SHISA6: variants seen among roughly 807,000 people sequenced by gnomAD.
SHISA6 encodes protein shisa-6.
A neutral mutation model predicts 47.9 loss-of-function variants in SHISA6; 22 were observed. The ratio of observed to expected loss-of-function variants is 0.46; its 90% CI spans 0.33 to 0.66. The LOEUF (loss-of-function observed/expected upper bound fraction) is 0.66, where lower values mean the gene tolerates loss of function less well. Among genes scored for constraint, SHISA6 ranks in the 30% least tolerant of loss-of-function variants. SHISA6 has a pLI of 0.02. For synonymous variants in SHISA6, 388 were observed against 337.8 expected, an observed-to-expected ratio of 1.15 and a Z score of -1.63; for missense variants, 680 against 764.6, an observed-to-expected ratio of 0.89 and a Z score of 1.30.
chr17:11,352,035 G>A (rs181841010), intron 2 of SHISA6, among the ~76,000 whole-genome samples: 19 of 152,282 alleles, frequency 1.2e-4, no homozygotes, highest in African/African-American at 3.1e-4. Flanking sequence ...TGTTGGACAC[G>A]TAGGGACAGA....
rs535536251 is a variant in SHISA6 at position 11,336,964 on chromosome 17, T to C, written c.800-42450T>C. Among the ~76,000 whole-genome samples, 124 of 152,208 alleles carry C rather than the reference T, an allele frequency of 8.1e-4. 1 individual carries two copies. The highest frequency in any genetic ancestry group is 2.7e-3 in the African/African-American group (112 of 41,546). On this transcript the variant is annotated intron_variant, in intron 2 of 5. Transcript: ENST00000441885. ...TCAAGTTCAAGGAAGTTGGCATCTG[T>C]GTGAGATGAGATGAGGAGAGTGCAA...
chr17:11,300,302 C>T (rs1190368377), intron 2 of SHISA6, among the ~76,000 whole-genome samples: 1 of 152,056 alleles, frequency 6.6e-6, no homozygotes, highest in East Asian at 1.9e-4. Context: ...TAGACCTGGG[C>T]CCTGGGCACC....
chr17:11,260,640 C>T (rs953612931), intron 1 of SHISA6, among the ~76,000 whole-genome samples: 1 of 151,868 alleles, frequency 6.6e-6, no homozygotes, highest in Non-Finnish European at 1.5e-5. Context: ...GACTCTGCCT[C>T]CTCTCCTCTC....
At chr17:11,454,700 G>A (rs1915489337) in intron 3 of SHISA6, among the ~76,000 whole-genome samples, 2 of 152,164 alleles carry the variant, frequency 1.3e-5, no homozygotes, top group Non-Finnish European at 2.9e-5. Context: ...CTTTCTCAAA[G>A]GCCCTTCATG....
At chr17:11,522,896 A>C (rs1378074024) in intron 3 of SHISA6, among the ~76,000 whole-genome samples, 2 of 152,246 alleles carry the variant, frequency 1.3e-5, no homozygotes, top group African/African-American at 4.8e-5. Flanking sequence ...GGCTTCCAGA[A>C]GTTTCTTTGC....
intron 3 of SHISA6, among the ~76,000 whole-genome samples, chr17:11,393,794 C>G (rs1913471916): frequency 6.6e-6 from 1 of 152,188 alleles, no homozygotes; most frequent in Non-Finnish European, 1.5e-5. Context: ...GCTTAACACC[C>G]AGGCATCTTG....
chr17:11,361,770 C>A (rs1267458228), intron 2 of SHISA6, among the ~76,000 whole-genome samples: 2 of 152,188 alleles, frequency 1.3e-5, no homozygotes, highest in African/African-American at 4.8e-5. Context: ...ACACCATGTG[C>A]CAGGCACTGT....
intron 3 of SHISA6, among the ~76,000 whole-genome samples, chr17:11,470,403 G>T (rs1376808856): frequency 6.6e-6 from 1 of 152,200 alleles, no homozygotes; most frequent in Non-Finnish European, 1.5e-5. Flanking sequence ...TTCCTAACAG[G>T]TATCAGTCCC....
At position 11,394,295 on chromosome 17, in the gene SHISA6, G is replaced by A. The variant is rs999651896; in HGVS notation, c.895+14786G>A. On this transcript the variant is annotated intron_variant, in intron 3 of 5. Transcript: ENST00000441885. The stretch of plus-strand genomic sequence containing the variant: ...CAGGTAAATGTAGTATTAGAAAATT[G>A]CTTCATCTTTCTGAGTCTGCACCTC... Among the ~76,000 whole-genome samples, 14 of 152,246 alleles carry A rather than the reference G, an allele frequency of 9.2e-5. 1 individual carries two copies. The Middle Eastern group carries it at 0.01, about 111-fold the overall frequency.
chr17:11,271,804 C>T (rs985287559), intron 2 of SHISA6, among the ~76,000 whole-genome samples: 2 of 151,990 alleles, frequency 1.3e-5, no homozygotes, highest in South Asian at 4.1e-4. Context: ...CAAAGCTCAC[C>T]TTTCCTTCTG....
chr17:11,336,997 CAAG>C (rs745709765), intron 2 of SHISA6, among the ~76,000 whole-genome samples: 33 of 152,282 alleles, frequency 2.2e-4, no homozygotes, highest in East Asian at 5.8e-4. Context: ...CAAAGTCAGA[CAAG>C]GAGGAGTGGG....
At chr17:11,521,965 TTTATTA>T (rs1204190731) in intron 3 of SHISA6, among the ~76,000 whole-genome samples, 3 of 151,324 alleles carry the variant, frequency 2.0e-5, no homozygotes, top group Admixed American at 6.6e-5. Context: ...TTTTTATTTA[TTTATTA>T]TTATTATTTT....
At chr17:11,303,311 A>G (rs571447497) in intron 2 of SHISA6, among the ~76,000 whole-genome samples, 2 of 150,754 alleles carry the variant, frequency 1.3e-5, no homozygotes, top group Admixed American at 1.3e-4. Flanking sequence ...TTGTGTGTAT[A>G]GTTGTGAATG....
intron 2 of SHISA6, among the ~76,000 whole-genome samples, chr17:11,280,476 A>G (rs965651910): frequency 7.2e-5 from 11 of 152,256 alleles, no homozygotes; most frequent in African/African-American, 2.4e-4. Context: ...GTAGACTAGC[A>G]TGAATTCAGG....
At chr17:11,342,052 T>C (rs867347247) in intron 2 of SHISA6, among the ~76,000 whole-genome samples, 52 of 152,066 alleles carry the variant, frequency 3.4e-4, no homozygotes, top group African/African-American at 1.2e-3. Flanking sequence ...CTGGCAAACT[T>C]TCCTCTGGCC....
chr17:11,302,801 C>G (rs1414724780), intron 2 of SHISA6, among the ~76,000 whole-genome samples: 1 of 151,156 alleles, frequency 6.6e-6, no homozygotes, highest in Admixed American at 6.6e-5. Flanking sequence ...ACAGCCCTAC[C>G]CAGGGACCGA....
chr17:11,477,313 G>GTGTTGT (rs1396946603), intron 3 of SHISA6, among the ~76,000 whole-genome samples: 5 of 77,536 alleles, frequency 6.4e-5, no homozygotes, highest in Non-Finnish European at 2.4e-5. Flanking sequence ...ACAGTTTTCT[G>GTGTTGT]TGTTGTTCTT....
intron 3 of SHISA6, among the ~76,000 whole-genome samples, chr17:11,548,405 CA>C (rs2071900655): frequency 6.7e-6 from 1 of 150,158 alleles, no homozygotes; most frequent in African/African-American, 2.5e-5. Flanking sequence ...AGGGTTAGCA[CA>C]AAAAATACAA....
chr17:11,281,530 A>G (rs569682531), intron 2 of SHISA6, among the ~76,000 whole-genome samples: 1 of 152,098 alleles, frequency 6.6e-6, no homozygotes, highest in African/African-American at 2.4e-5. Flanking sequence ...TACCATTTTT[A>G]TATATTATTA....
Sources: gnomAD v4.1 joint callset for allele counts (sites outside exome capture counted in the v4.1 genomes callset) on GRCh38, gnomAD v4.1.1 for gene constraint, MANE v1.5 for transcripts, NCBI Gene and HGNC (gene_info 2026-07-23, HGNC 2026-07-21) for gene names.